Variants in ITGA4 observed in about 807,000 individuals in gnomAD.
The protein encoded by ITGA4 is integrin alpha-4.
Under a neutral mutation model 133.6 loss-of-function variants are expected in ITGA4, and 63 were observed. That is an observed-to-expected ratio of 0.47 (90% CI 0.38 to 0.58). The LOEUF (loss-of-function observed/expected upper bound fraction) is 0.58, where lower values mean the gene tolerates loss of function less well. Ranked by LOEUF, ITGA4 falls within the 20% of genes least tolerant of loss-of-function variation. ITGA4 has a pLI of 0.00. For synonymous variants in ITGA4, 483 were observed against 438.0 expected (o/e 1.10, Z -1.28); for missense variants, 1,076 against 1,252.7 (o/e 0.86, Z 2.13).
At chr2:181,468,055 A>G (rs1035342827) in intron 2 of ITGA4, among the ~76,000 whole-genome samples, 1 of 152,216 alleles carries the variant, frequency 6.6e-6, no homozygotes, top group Non-Finnish European at 1.5e-5. Context: ...GCCAATGGCA[A>G]CTAACATTTG....
chr2:181,513,476 A>G lies in ITGA4; in HGVS notation c.1922+1701A>G, dbSNP rs566006043. Among the ~76,000 whole-genome samples the G allele has an allele frequency of 6.2e-4, 95 of 152,138 alleles. No individual in the cohort carries two copies. In the Middle Eastern group the frequency reaches 0.02, roughly 33 times the overall value. On this transcript the variant is annotated intron_variant, in intron 17 of 27. Coordinates refer to ENST00000397033, the MANE Select transcript of ITGA4 (RefSeq NM_000885.6). ...TAAGTACTACAATACTACCACCTAG[A>G]TGTCTTTCTTATCCATCATGCTTTG...
rs1686141253 is a variant in ITGA4, at chr2:181,495,586, AATC to A, written c.1385+175_1385+177del. Among the ~76,000 whole-genome samples the A allele has an allele frequency of 6.6e-6, 1 of 152,216 alleles. No homozygotes were observed. Among genetic ancestry groups the A allele is most frequent in the South Asian group, 2.1e-4 (1 of 4,836 alleles). ...TTTTCACCTTACAGAGATATAATTA[AATC>A]ATCAAAGTCAATATTTTTAGACATT... is the stretch of plus-strand genomic sequence containing the variant. On this transcript the variant is annotated intron_variant, in intron 13 of 27. Transcript: ENST00000397033. This position sits in a 1 kb window ranked among gnomAD's most constrained non-coding sequence, Gnocchi z 4.3.
intron 18 of ITGA4, among the ~76,000 whole-genome samples, chr2:181,522,722 T>C (rs1392196673): frequency 6.6e-6 from 1 of 152,174 alleles, no homozygotes; most frequent in Non-Finnish European, 1.5e-5. Flanking sequence ...ACTCAGACAA[T>C]TAATAGAATT....
intron 15 of ITGA4, among the ~76,000 whole-genome samples, chr2:181,499,185 G>A (rs917652594): frequency 1.3e-5 from 2 of 152,108 alleles, no homozygotes; most frequent in East Asian, 1.9e-4. Flanking sequence ...CGACTCCAGC[G>A]AAGCAGAATC....
chr2:181,479,272 C>G (rs1685749081), intron 5 of ITGA4: 1 of 151,766 alleles, frequency 6.6e-6, no homozygotes, highest in African/African-American at 2.4e-5. Flanking sequence ...GACAATATTC[C>G]CAAGATTTCT....
At chr2:181,462,132 T>C (rs1486057587) in intron 2 of ITGA4, among the ~76,000 whole-genome samples, 3 of 152,344 alleles carry the variant, frequency 2.0e-5, no homozygotes, top group African/African-American at 7.2e-5. Context: ...CATTAAGTTC[T>C]CTGTGTAAAA....
chr2:181,508,702 AAAAT>A (rs148495678), intron 15 of ITGA4, among the ~76,000 whole-genome samples: 37,733 of 151,526 alleles, frequency 0.25, 5,169 homozygotes, highest in Non-Finnish European at 0.31. Context: ...TCAAAAACGA[AAAAT>A]AAATAAATAA....
chr2:181,513,703 C>T (rs1179508201), intron 17 of ITGA4, among the ~76,000 whole-genome samples: 1 of 152,134 alleles, frequency 6.6e-6, no homozygotes, highest in African/African-American at 2.4e-5. Context: ...AGTTTTTCAT[C>T]AATGGCTGAA....
chr2:181,490,972 G>A (rs941547029), intron 10 of ITGA4, among the ~76,000 whole-genome samples: 1 of 152,074 alleles, frequency 6.6e-6, no homozygotes, highest in East Asian at 1.9e-4. Context: ...AAGTTGCATA[G>A]GCTTGGAAAA....
chr2:181,499,510 C>T lies in ITGA4; in HGVS notation c.1695+733C>T, dbSNP rs114282142. Among the ~76,000 whole-genome samples, 1,049 of 152,210 alleles carry T rather than the reference C, an allele frequency of 6.9e-3. 13 individuals are homozygous for T. Among genetic ancestry groups the T allele is most frequent in the African/African-American group, 0.024 (993 of 41,518 alleles). On this transcript the variant is annotated intron_variant, in intron 15 of 27. Coordinates refer to ENST00000397033, the MANE Select transcript of ITGA4 (RefSeq NM_000885.6). ...ATTGTCACAAAAAACCAAACTATTCCCAGGAGCCCTTTCTGGGATTTCAAA... is the reference window on the plus strand; with the variant it reads ...ATTGTCACAAAAAACCAAACTATTCTCAGGAGCCCTTTCTGGGATTTCAAA...
chr2:181,482,115 A>C (rs963900654), intron 7 of ITGA4, among the ~76,000 whole-genome samples: 1 of 152,170 alleles, frequency 6.6e-6, no homozygotes, highest in Non-Finnish European at 1.5e-5. Flanking sequence ...TGAGGCAAAC[A>C]ACACTTCCGG....
At chr2:181,469,359 C>T (rs1022301542) in intron 2 of ITGA4, among the ~76,000 whole-genome samples, 17 of 152,148 alleles carry the variant, frequency 1.1e-4, no homozygotes, top group Middle Eastern at 3.2e-3. Context: ...GCTTTGAATG[C>T]TGCCCAACAC....
rs1014222223 is a variant in ITGA4, at chr2:181,537,717, TGTGTGTCCAATAAACA to T, written c.*2191_*2206del. 7.0e-6 allele frequency: 3 copies of T among 429,020 alleles called. No homozygotes were observed. Among genetic ancestry groups the T allele is most frequent in the East Asian group, 7.1e-5 (1 of 14,164 alleles). 26.6% of individuals were successfully genotyped at this position (429,020 alleles called of 1,614,324 possible). A position where few individuals can be genotyped will look rare whatever the true frequency, so the allele number is the denominator to read the frequency against. On this transcript the variant is annotated 3_prime_UTR_variant, in exon 28 of 28. Transcript: ENST00000397033. Reference sequence around the variant, plus strand: ...TATTATGATGGTTGCAAAGTTTTTTTGTGTGTCCAATAAACACATTGTAAAAAAAAGAATTTGAATT... The same window carrying T: ...TATTATGATGGTTGCAAAGTTTTTTTCATTGTAAAAAAAAGAATTTGAATT...
chr2:181,488,790 C>T (rs569334961), intron 10 of ITGA4, among the ~76,000 whole-genome samples: 2 of 152,236 alleles, frequency 1.3e-5, no homozygotes, highest in South Asian at 2.1e-4. Context: ...TATCTCCTGA[C>T]CTTGTGATCT....
chr2:181,471,047 G>A lies in ITGA4; in HGVS notation c.320-3913G>A, dbSNP rs534443731. Among the ~76,000 whole-genome samples the A allele has an allele frequency of 3.9e-5, 6 of 152,236 alleles. No homozygotes were observed. In the South Asian group the frequency reaches 1.2e-3, roughly 32 times the overall value. On this transcript the variant is annotated intron_variant, in intron 2 of 27. Transcript: ENST00000397033. The stretch of plus-strand genomic sequence containing the variant: ...TATGGTAAAAACAGTGTTAAGAAGT[G>A]AAAAGGGGAAACATATCTAAATGTA...
chr2:181,488,734 G>A (rs1393777887), intron 10 of ITGA4, among the ~76,000 whole-genome samples: 2 of 151,478 alleles, frequency 1.3e-5, no homozygotes, highest in South Asian at 2.1e-4. Context: ...ATTTTTTTGT[G>A]TTTTTAGTAG....
intron 4 of ITGA4, among the ~76,000 whole-genome samples, chr2:181,477,145 G>A (rs561565537): frequency 6.6e-6 from 1 of 152,046 alleles, no homozygotes; most frequent in Admixed American, 6.6e-5. Context: ...AATGCCTTTG[G>A]GAAAATTGGC....
chr2:181,511,610 A>G (rs1032527333), intron 16 of ITGA4, 89 bp from the exon 17 acceptor site: 3 of 657,120 alleles, frequency 4.6e-6, no homozygotes, highest in African/African-American at 3.7e-5. Flanking sequence ...TATTTTTCTC[A>G]TGCATCACAG....
At chr2:181,497,758 C>A (rs527316296) in intron 14 of ITGA4, among the ~76,000 whole-genome samples, 124 of 152,184 alleles carry the variant, frequency 8.1e-4, no homozygotes, top group African/African-American at 2.9e-3. Flanking sequence ...GTGAGTGACA[C>A]CTCAGCAGAC....
Sources: allele counts gnomAD v4.1 joint callset (sites outside exome capture counted in the v4.1 genomes callset), GRCh38; gene constraint gnomAD v4.1.1; non-coding constraint Gnocchi (gnomAD v3.1); transcripts MANE v1.5; gene names NCBI Gene and HGNC (gene_info 2026-07-23, HGNC 2026-07-21).